The following NRG1 variants were observed in gnomAD, a reference collection of about 807,000 sequenced individuals.
NRG1 encodes the protein neuregulin 1.
Under a neutral mutation model 63.8 loss-of-function variants are expected in NRG1, and 18 were observed. The ratio of observed to expected loss-of-function variants is 0.28; its 90% CI spans 0.19 to 0.42. The LOEUF (loss-of-function observed/expected upper bound fraction) is 0.42. Ranked by LOEUF, NRG1 falls within the 10% of genes least tolerant of loss-of-function variation. The pLI, the probability that NRG1 is intolerant of heterozygous loss-of-function variation, is 1.00. For missense variants in NRG1, 762 were observed against 814.7 expected (o/e 0.94, Z 0.79); for synonymous variants, 302 against 301.3 (o/e 1.00, Z -0.02).
intron 5 of NRG1, among the ~76,000 whole-genome samples, chr8:32,675,704 A>AT (rs1806908146): frequency 6.6e-6 from 1 of 152,194 alleles, no homozygotes; most frequent in Non-Finnish European, 1.5e-5. Flanking sequence ...CTAGCTTGGT[A>AT]TGCACGTATA....
chr8:32,150,316 T>A (rs930928104), intron 1 of NRG1, among the ~76,000 whole-genome samples: 4 of 152,220 alleles, frequency 2.6e-5, no homozygotes, highest in Non-Finnish European at 5.9e-5. Context: ...ACAAGAAGCC[T>A]GGTGCTAAAT....
intron 5 of NRG1, among the ~76,000 whole-genome samples, chr8:32,641,245 C>A (rs1852336357): frequency 6.6e-6 from 1 of 151,742 alleles, no homozygotes; most frequent in Non-Finnish European, 1.5e-5. Context: ...TGCCATATTG[C>A]CTATTGATAC....
At chr8:32,400,265 C>T (rs1259332908) in intron 1 of NRG1, among the ~76,000 whole-genome samples, 2 of 152,166 alleles carry the variant, frequency 1.3e-5, no homozygotes, top group East Asian at 1.9e-4. Flanking sequence ...GGGTGAATCA[C>T]TTGAGGTCAG....
At chr8:32,440,162 C>T (rs959144335) in intron 1 of NRG1, among the ~76,000 whole-genome samples, 5 of 151,994 alleles carry the variant, frequency 3.3e-5, no homozygotes, top group Non-Finnish European at 5.9e-5. Flanking sequence ...CATCAGATCT[C>T]GAGATAACTC....
At chr8:32,098,541 G>A (rs576250025) in intron 1 of NRG1, 1 of 152,258 alleles carries the variant, frequency 6.6e-6, no homozygotes, top group East Asian at 1.9e-4. Context: ...ACTCTATTAG[G>A]TGAAATATGA....
intron 1 of NRG1, among the ~76,000 whole-genome samples, chr8:31,730,031 C>T (rs1813862741): frequency 6.6e-6 from 1 of 151,972 alleles, no homozygotes; most frequent in African/African-American, 2.4e-5. Context: ...CCTGTAATGC[C>T]CCTTAAGTAG....
At chr8:32,760,331 C>T (rs776112182) in exon 11 of NRG1, 3 of 1,614,022 alleles carry the variant, frequency 1.9e-6, no homozygotes, top group Non-Finnish European at 2.5e-6. Context: ...ACAGGAGGCC[C>T]TCGTGAATGT....
chr8:32,724,950 G>A (rs1821690597), intron 5 of NRG1, among the ~76,000 whole-genome samples: 4 of 152,100 alleles, frequency 2.6e-5, no homozygotes. Flanking sequence ...AGCATTACAA[G>A]GATAATCATT....
In NRG1 at chr8:32,649,713, G is replaced by GA. The variant is rs540456763; in HGVS notation, c.502+32837dup. Among the ~76,000 whole-genome samples the GA allele has an allele frequency of 5.2e-4, 79 of 151,270 alleles. 1 individual carries two copies. In the South Asian group the frequency reaches 8.6e-3, roughly 16 times the overall value. ...CCAGATTCAGTGGCAAAGATTTAAA[G>GA]AAAAAAAAAGTCTTGTTTTCTAGGT... On this transcript the variant is annotated intron_variant, in intron 5 of 11. Coordinates refer to ENST00000356819, the Ensembl canonical transcript of NRG1.
chr8:32,052,933 C>G (rs926804213), intron 1 of NRG1, among the ~76,000 whole-genome samples: 2 of 152,098 alleles, frequency 1.3e-5, no homozygotes, highest in Admixed American at 6.5e-5. Flanking sequence ...CTTTTCAGCT[C>G]AACATTTGAT....
chr8:32,372,231 CCT>C (rs1808987161), intron 1 of NRG1, among the ~76,000 whole-genome samples: 1 of 151,920 alleles, frequency 6.6e-6, no homozygotes. Context: ...TCAAACAAAT[CCT>C]CTCTCCTCAG....
At chr8:31,927,427 C>CAG (rs1191819394) in intron 1 of NRG1, among the ~76,000 whole-genome samples, 1 of 142,776 alleles carries the variant, frequency 7.0e-6, no homozygotes, top group Non-Finnish European at 1.5e-5. Flanking sequence ...TACAATGAAA[C>CAG]AGAGAAAACT....
At chr8:32,370,896 G>A (rs1460382125) in intron 1 of NRG1, among the ~76,000 whole-genome samples, 9 of 134,040 alleles carry the variant, frequency 6.7e-5, no homozygotes, top group Non-Finnish European at 9.4e-5. Flanking sequence ...CAACAACAAC[G>A]ACAAAACTGT....
intron 1 of NRG1, among the ~76,000 whole-genome samples, chr8:31,939,663 G>A (rs984607977): frequency 6.6e-6 from 1 of 152,026 alleles, no homozygotes; most frequent in African/African-American, 2.4e-5. Flanking sequence ...GTTTTCTTCT[G>A]TTTTTCAGGA....
At chr8:32,295,953 A>C (rs1854807982) in intron 1 of NRG1, among the ~76,000 whole-genome samples, 1 of 151,124 alleles carries the variant, frequency 6.6e-6, no homozygotes, top group Non-Finnish European at 1.5e-5. Flanking sequence ...AAAAAAAAAA[A>C]AAAGAGAGAG....
Position 32,482,306 on chromosome 8 carries a change from A to G in NRG1, c.38-113522A>G, listed in dbSNP as rs142468452. On this transcript the variant is annotated intron_variant, in intron 1 of 10. Transcript: ENST00000519301. ...ATAACAGGAAATTGGGAGGAGAGTT[A>G]TACAATCAGCTCTTGCTAGAAAATG... 2.7e-3 allele frequency among the ~76,000 whole-genome samples: 406 copies of G among 152,260 alleles called. 4 individuals are homozygous for G. The highest frequency in any genetic ancestry group is 9.0e-3 in the African/African-American group (375 of 41,540).
intron 1 of NRG1, among the ~76,000 whole-genome samples, chr8:32,207,902 G>T (rs148187696): frequency 2.0e-5 from 3 of 152,254 alleles, no homozygotes; most frequent in Non-Finnish European, 4.4e-5. Flanking sequence ...TTAAATAGCA[G>T]ACATTCTCAC....
chr8:32,371,992 A>ATTTTTTTT lies in NRG1; in HGVS notation c.38-223827_38-223820dup, dbSNP rs60780562. Reference sequence around the variant, plus strand: ...CTTTCTTTCTTTTTTCTTCTTCTTCATTTTTTTTTTTTTTTTAAAAGGGTT... The same window carrying ATTTTTTTT: ...CTTTCTTTCTTTTTTCTTCTTCTTCATTTTTTTTTTTTTTTTTTTTTTTTAAAAGGGTT... On this transcript the variant is annotated intron_variant, in intron 1 of 10. Coordinates refer to the NRG1 transcript ENST00000519301. Among the ~76,000 whole-genome samples the ATTTTTTTT allele has an allele frequency of 5.8e-4, 75 of 129,420 alleles. 2 individuals are homozygous for ATTTTTTTT. The highest frequency in any genetic ancestry group is 1.5e-3 in the African/African-American group (53 of 35,144). The allele number at this position is 129,420 out of a possible 152,430, so 84.9% of individuals were successfully genotyped here. A position where few individuals can be genotyped will look rare whatever the true frequency, so the allele number is the denominator to read the frequency against.
At chr8:32,054,863 CTTTTTTTTTTTTTTTTTTTTTTTTTTT>C (rs543522972) in intron 1 of NRG1, among the ~76,000 whole-genome samples, 6 of 63,996 alleles carry the variant, frequency 9.4e-5, no homozygotes, top group South Asian at 1.5e-3. Flanking sequence ...TTCTTTCTTT[CTTTTTTTTTTTTTTTTTTTTTTTTTTT>C]TTTTTTTTTT....
Sources: allele counts gnomAD v4.1 joint callset (sites outside exome capture counted in the v4.1 genomes callset), GRCh38; gene constraint gnomAD v4.1.1; transcripts MANE v1.5; gene names NCBI Gene and HGNC (gene_info 2026-07-23, HGNC 2026-07-21).